The following LTBP1 variants were observed in gnomAD, a reference collection of about 807,000 sequenced individuals.
The protein encoded by LTBP1 is latent transforming growth factor beta binding protein 1.
LTBP1 carries 129 observed loss-of-function variants against 207.6 expected under a neutral mutation model. That is an observed-to-expected ratio of 0.62 (90% confidence interval 0.54 to 0.72). LTBP1 has a LOEUF of 0.72. LTBP1 is among the 30% of genes least tolerant of loss of function. The pLI is 0.00. For synonymous variants in LTBP1, 963 were observed against 833.7 expected, an observed-to-expected ratio of 1.16 and a Z score of -2.67; for missense variants, 2,281 against 2,217.2, an observed-to-expected ratio of 1.03 and a Z score of -0.58.
chr2:33,028,062 C>A (rs1187396047), intron 3 of LTBP1, among the ~76,000 whole-genome samples: 1 of 152,038 alleles, frequency 6.6e-6, no homozygotes, highest in Non-Finnish European at 1.5e-5. Flanking sequence ...TGGAAGTGAG[C>A]AGCTCTTAAT....
intron 2 of LTBP1, among the ~76,000 whole-genome samples, chr2:32,994,623 T>C (rs1468940356): frequency 2.6e-5 from 4 of 151,990 alleles, no homozygotes; most frequent in Admixed American, 1.3e-4. Context: ...TGTGCCACCA[T>C]GCCTGGATAA....
At chr2:32,963,558 G>A (rs1186193082) in intron 2 of LTBP1, among the ~76,000 whole-genome samples, 2 of 152,028 alleles carry the variant, frequency 1.3e-5, no homozygotes, top group Non-Finnish European at 2.9e-5. Context: ...ACTGAGGAGT[G>A]GCAAAGAAAC....
At chr2:33,237,409 C>T (rs2092101583) in intron 9 of LTBP1, among the ~76,000 whole-genome samples, 2 of 152,122 alleles carry the variant, frequency 1.3e-5, no homozygotes, top group African/African-American at 4.8e-5. Context: ...TGCTCTAGAA[C>T]ATTGGTTTTC....
intron 7 of LTBP1, among the ~76,000 whole-genome samples, chr2:33,210,747 C>T (rs1179519975): frequency 1.3e-5 from 2 of 152,202 alleles, no homozygotes; most frequent in Non-Finnish European, 2.9e-5. Context: ...TTACCCTCCT[C>T]CGTTGCCACT....
intron 24 of LTBP1, among the ~76,000 whole-genome samples, chr2:33,327,637 C>T (rs532941766): frequency 6.6e-6 from 1 of 152,074 alleles, no homozygotes; most frequent in Non-Finnish European, 1.5e-5. Flanking sequence ...AGAATGTCTT[C>T]CAATAAGCAG....
chr2:33,006,680 A>G (rs2149044473), intron 2 of LTBP1, among the ~76,000 whole-genome samples: 1 of 123,606 alleles, frequency 8.1e-6, no homozygotes, highest in East Asian at 2.9e-4. Context: ...ACCATGCCTG[A>G]CCCGAGAAAA....
intron 9 of LTBP1, among the ~76,000 whole-genome samples, chr2:33,224,366 G>C (rs1420187171): frequency 6.6e-6 from 1 of 152,214 alleles, no homozygotes; most frequent in Admixed American, 6.5e-5. Flanking sequence ...CAGAATGTCA[G>C]ATGCTCCTAA....
chr2:33,004,543 T>G (rs1028101772), intron 2 of LTBP1, among the ~76,000 whole-genome samples: 3 of 151,592 alleles, frequency 2.0e-5, no homozygotes, highest in African/African-American at 7.3e-5. Flanking sequence ...ACCTATAATC[T>G]CAGCACTTTG....
chr2:33,147,419 C>G (rs2083144059), intron 5 of LTBP1, among the ~76,000 whole-genome samples: 1 of 152,156 alleles, frequency 6.6e-6, no homozygotes, highest in African/African-American at 2.4e-5. Flanking sequence ...TCTGAGGATG[C>G]TGTGCTGCCC....
chr2:32,952,627 T>C (rs984590774), intron 2 of LTBP1, among the ~76,000 whole-genome samples: 1 of 152,148 alleles, frequency 6.6e-6, no homozygotes, highest in African/African-American at 2.4e-5. Context: ...CATTTTTGCC[T>C]CCTATCATTT....
intron 2 of LTBP1, among the ~76,000 whole-genome samples, chr2:32,960,467 A>G (rs17838352): frequency 0.051 from 7,704 of 152,238 alleles, 232 homozygotes; most frequent in African/African-American, 0.058. Context: ...CCAAGCTCCT[A>G]TATAGTAGGT....
chr2:33,258,977 A>T (rs2092938410), intron 12 of LTBP1, among the ~76,000 whole-genome samples: 1 of 152,190 alleles, frequency 6.6e-6, no homozygotes, highest in Non-Finnish European at 1.5e-5. Context: ...TGATTGTGTA[A>T]TGTATAATTT....
At position 33,243,679 on chromosome 2, in the gene LTBP1, C is replaced by T. The variant is rs2092413734; in HGVS notation, c.1894C>T (p.Leu632=). The T allele has an allele frequency of 6.2e-7, 1 of 1,613,842 alleles. No individual in the cohort carries two copies. The highest frequency in any genetic ancestry group is 8.5e-7 in the Non-Finnish European group (1 of 1,179,870). Residue 632 remains leucine, a synonymous_variant, in exon 10 of 34, where the codon CTA becomes TTA. Transcript: ENST00000404816. ...TFCQDINECQ[L]QGVCPNGECL... ...TCCTGCAGATATTAATGAATGTCAG[C>T]TACAAGGTGTATGCCCTAATGGTGA...
intron 2 of LTBP1, among the ~76,000 whole-genome samples, chr2:32,997,977 T>A (rs1243617444): frequency 6.6e-6 from 1 of 152,200 alleles, no homozygotes; most frequent in Non-Finnish European, 1.5e-5. Flanking sequence ...GAAGTATGTT[T>A]ATGATGTTCA....
chr2:33,393,539 G>A (rs564842592), intron 32 of LTBP1, among the ~76,000 whole-genome samples: 7 of 151,290 alleles, frequency 4.6e-5, no homozygotes, highest in African/African-American at 1.7e-4. Flanking sequence ...AGAACATGCG[G>A]TGTTTGGTTT....
intron 9 of LTBP1, among the ~76,000 whole-genome samples, chr2:33,234,526 G>A (rs978326202): frequency 6.6e-5 from 10 of 152,038 alleles, no homozygotes; most frequent in Non-Finnish European, 1.5e-4. Flanking sequence ...GGATGTGAAG[G>A]ACCTCTTCAA....
At chr2:33,276,373 G>A (rs1246897461) in intron 18 of LTBP1, among the ~76,000 whole-genome samples, 1 of 152,074 alleles carries the variant, frequency 6.6e-6, no homozygotes, top group Admixed American at 6.5e-5. Flanking sequence ...CAAGAAGCAT[G>A]GTCTGACAAA....
At chr2:33,015,552 C>G (rs7607622) in intron 2 of LTBP1, among the ~76,000 whole-genome samples, 10,465 of 132,172 alleles carry the variant, frequency 0.079, 411 homozygotes, top group Middle Eastern at 0.11. Flanking sequence ...TAGGAGAGAA[C>G]TGTAAGAAGT....
At position 33,222,073 on chromosome 2, in the gene LTBP1, C is replaced by G. The variant is rs750532946; in HGVS notation, c.1805-7C>G. The G allele has an allele frequency of 6.8e-6, 11 of 1,607,630 alleles. No homozygotes were observed. Among genetic ancestry groups the G allele is most frequent in the Admixed American group, 5.0e-5 (3 of 60,002 alleles). Reference sequence around the variant, plus strand: ...AAGTATGTAACAAAGCATTTCTTCCCTTACAGCTTATCATGGATACAACCA... The same window carrying G: ...AAGTATGTAACAAAGCATTTCTTCCGTTACAGCTTATCATGGATACAACCA... On this transcript the variant is annotated splice_polypyrimidine_tract_variant and splice_region_variant and intron_variant, in intron 8 of 33. Transcript: ENST00000404816.
Sources: gnomAD v4.1 joint callset for allele counts (sites outside exome capture counted in the v4.1 genomes callset) on GRCh38, gnomAD v4.1.1 for gene constraint, MANE v1.5 for transcripts, NCBI Gene and HGNC (gene_info 2026-07-23, HGNC 2026-07-21) for gene names.